Variants in UAP1 observed in about 807,000 individuals in gnomAD.
UAP1 encodes the protein UDP-N-acetylhexosamine pyrophosphorylase.
Under a neutral mutation model 58.5 loss-of-function variants are expected in UAP1, and 25 were observed. That is an observed-to-expected ratio of 0.43 (90% CI 0.31 to 0.60). The LOEUF (loss-of-function observed/expected upper bound fraction) is 0.60. Among genes scored for constraint, UAP1 ranks in the 20% least tolerant of loss-of-function variants. The pLI is 0.11. For missense variants in UAP1, 575 were observed against 630.0 expected (o/e 0.91, Z 0.93); for synonymous variants, 208 against 213.0 (o/e 0.98, Z 0.21).
At chr1:162,565,961 C>T (rs750137200) in intron 1 of UAP1, 51 bp from the exon 2 acceptor site, 1 of 1,249,542 alleles carries the variant, frequency 8.0e-7, no homozygotes, top group Non-Finnish European at 1.1e-6. Context: ...AAAAAGCCCT[C>T]AATTTTGGAG....
intron 2 of UAP1, among the ~76,000 whole-genome samples, chr1:162,575,304 G>C (rs915710572): frequency 3.3e-5 from 5 of 151,674 alleles, no homozygotes; most frequent in African/African-American, 1.2e-4. Flanking sequence ...CCTGACCTCG[G>C]GTAATCCTCC....
intron 2 of UAP1, among the ~76,000 whole-genome samples, chr1:162,574,078 T>TTTTTC (rs1305789846): frequency 2.0e-5 from 3 of 151,966 alleles, no homozygotes; most frequent in South Asian, 2.1e-4. Context: ...TGGAGTTATT[T>TTTTTC]TTTTCTTTTC....
rs571585326 is a variant in UAP1, at chr1:162,589,153, ATAT to A, written c.1169+324_1169+326del. ...TATAATTTATATATTTATATAATAT[ATAT>A]TATATATAATATATAAATATTATAT... On this transcript the variant is annotated intron_variant, in intron 7 of 10. Transcript: ENST00000271469. 7.0e-3 allele frequency among the ~76,000 whole-genome samples: 647 copies of A among 92,506 alleles called. 4 individuals are homozygous for A. Among genetic ancestry groups the A allele is most frequent in the African/African-American group, 0.026 (617 of 23,420 alleles). The allele number at this position is 92,506 out of a possible 152,430, so 60.7% of individuals were successfully genotyped here.
chr1:162,595,805 G>A (rs12044722), intron 9 of UAP1, among the ~76,000 whole-genome samples: 13,073 of 152,186 alleles, frequency 0.086, 727 homozygotes, highest in East Asian at 0.21. Flanking sequence ...ATTACTCTGG[G>A]AGGCAGTGAC....
At position 162,581,203 on chromosome 1, in the gene UAP1, T is replaced by A. The variant is rs909181654; in HGVS notation, c.662-84T>A. The A allele has an allele frequency of 4.8e-6, 7 of 1,461,198 alleles. No individual in the cohort carries two copies. In the African/African-American group the frequency reaches 5.6e-5, roughly 12 times the overall value. 90.5% of individuals were successfully genotyped at this position (1,461,198 alleles called of 1,614,324 possible). On this transcript the variant is annotated intron_variant, in intron 4 of 10. Coordinates refer to ENST00000271469, the Ensembl canonical transcript of UAP1. Reference sequence around the variant, plus strand: ...TAAAGCGAATTTTGTTTTTTAGGGATCTTAACCCTAGTTTGGAAACAATCT... The same window carrying A: ...TAAAGCGAATTTTGTTTTTTAGGGAACTTAACCCTAGTTTGGAAACAATCT...
At chr1:162,598,454 A>G (rs1274494018) in intron 10 of UAP1, among the ~76,000 whole-genome samples, 1 of 152,188 alleles carries the variant, frequency 6.6e-6, no homozygotes, top group Non-Finnish European at 1.5e-5. Flanking sequence ...CATCTGCAAT[A>G]TCTAGTCCAT....
At chr1:162,589,331 T>C (rs1655158421) in intron 7 of UAP1, among the ~76,000 whole-genome samples, 1 of 141,164 alleles carries the variant, frequency 7.1e-6, no homozygotes, top group East Asian at 2.0e-4. Flanking sequence ...TATTTATTTA[T>C]TAAATGTGAT....
chr1:162,579,594 A>C (rs759267610), exon 4 of UAP1: 4 of 1,589,348 alleles, frequency 2.5e-6, no homozygotes, highest in Non-Finnish European at 3.4e-6. Flanking sequence ...CAAAGTTTCT[A>C]TGGCTCCAGG....
chr1:162,584,668 A>T (rs755371438), intron 5 of UAP1, among the ~76,000 whole-genome samples: 2 of 151,914 alleles, frequency 1.3e-5, no homozygotes, highest in Non-Finnish European at 2.9e-5. Flanking sequence ...TTTTTTGTAG[A>T]GGTGGGGTTT....
At chr1:162,567,256 A>C in intron 2 of UAP1, among the ~76,000 whole-genome samples, 1 of 152,150 alleles carries the variant, frequency 6.6e-6, no homozygotes, top group East Asian at 1.9e-4. Context: ...TCATGCTTTT[A>C]TTTCATTCTA....
At chr1:162,584,887 G>C (rs990178189) in intron 5 of UAP1, among the ~76,000 whole-genome samples, 1 of 152,182 alleles carries the variant, frequency 6.6e-6, no homozygotes, top group Non-Finnish European at 1.5e-5. Flanking sequence ...AAAGTACAAA[G>C]TTAAAAAGGT....
rs118173142 is a variant in UAP1, at chr1:162,566,027, C to T, written c.-42C>T. ...TCTCTTTTAGGTTTACAGGTACATACATTACACCCCTATTTCTACAAAGCT... is the reference window on the plus strand; with the variant it reads ...TCTCTTTTAGGTTTACAGGTACATATATTACACCCCTATTTCTACAAAGCT... On this transcript the variant is annotated 5_prime_UTR_variant, in exon 2 of 11. Transcript: ENST00000271469. 6.0e-3 allele frequency: 9,478 copies of T among 1,584,752 alleles called. 318 individuals carry two copies. In the East Asian group the frequency reaches 0.1, roughly 17 times the overall value.
chr1:162,563,623 A>G (rs180914218), intron 1 of UAP1, among the ~76,000 whole-genome samples: 8 of 152,290 alleles, frequency 5.3e-5, no homozygotes, highest in African/African-American at 1.4e-4. Flanking sequence ...TCGGCCTCCC[A>G]AAGTACTGGA....
intron 7 of UAP1, among the ~76,000 whole-genome samples, chr1:162,589,164 A>ATAT (rs1335524710): frequency 3.0e-5 from 3 of 100,758 alleles, no homozygotes; most frequent in African/African-American, 1.2e-4. Context: ...TATTATATAT[A>ATAT]ATATATAAAT....
At chr1:162,586,957 T>C (rs1654935702) in intron 5 of UAP1, among the ~76,000 whole-genome samples, 1 of 152,168 alleles carries the variant, frequency 6.6e-6, no homozygotes, top group Non-Finnish European at 1.5e-5. Flanking sequence ...TACCTCCTAC[T>C]CAGGTCCCTG....
intron 5 of UAP1, among the ~76,000 whole-genome samples, chr1:162,584,279 A>G (rs1168348769): frequency 6.6e-6 from 1 of 152,238 alleles, no homozygotes; most frequent in Non-Finnish European, 1.5e-5. Context: ...TGAATGAATA[A>G]GTAAATATTC....
intron 7 of UAP1, 66 bp from the exon 8 acceptor site, chr1:162,590,257 G>A (rs1655216879): frequency 7.5e-7 from 1 of 1,331,916 alleles, no homozygotes; most frequent in African/African-American, 1.5e-5. Flanking sequence ...CCTTAGCTAT[G>A]TTAAAGGGTT....
At chr1:162,581,544 G>C (rs903525873) in intron 5 of UAP1, 85 bp downstream of exon 5, 57 of 1,349,856 alleles carry the variant, frequency 4.2e-5, no homozygotes, top group Non-Finnish European at 5.2e-5. Flanking sequence ...AAGTTTATTA[G>C]GGTGATTTGA....
chr1:162,574,093 CTTTT>C (rs1204675147), intron 2 of UAP1, among the ~76,000 whole-genome samples: 1 of 134,912 alleles, frequency 7.4e-6, no homozygotes. Context: ...CTTTTCTTTT[CTTTT>C]TTTTTTTTTT....
Sources: gnomAD v4.1 joint callset for allele counts (sites outside exome capture counted in the v4.1 genomes callset) on GRCh38, gnomAD v4.1.1 for gene constraint, MANE v1.5 for transcripts, NCBI Gene and HGNC (gene_info 2026-07-23, HGNC 2026-07-21) for gene names.